The following CPAMD8 variants were observed in gnomAD, a reference collection of about 807,000 sequenced individuals.
The protein encoded by CPAMD8 is C3 and PZP-like alpha-2-macroglobulin domain-containing protein 8.
CPAMD8 carries 146 observed loss-of-function variants against 224.7 expected under a neutral mutation model. The observed-to-expected ratio is 0.65, with a 90% CI of 0.57 to 0.75. CPAMD8 has a LOEUF of 0.75. Among genes scored for constraint, CPAMD8 ranks in the 30% least tolerant of loss-of-function variants. CPAMD8 has a pLI of 0.00. For missense variants in CPAMD8, 2,301 were observed against 2,537.5 expected, an observed-to-expected ratio of 0.91 and a Z score of 2.00; for synonymous variants, 966 against 1,044.6, an observed-to-expected ratio of 0.92 and a Z score of 1.45.
Position 16,914,804 on chromosome 19 carries a change from G to A in CPAMD8, c.3639C>T (p.Ala1213=), listed in dbSNP as rs370174078. The A allele has an allele frequency of 1.2e-6, 2 of 1,609,596 alleles. No homozygotes were observed. Among genetic ancestry groups the A allele is most frequent in the Admixed American group, 1.7e-5 (1 of 59,618 alleles). The part of the protein sequence containing the change: ...RDASGSMWLT[A]FVLKSFAQAR... Reference sequence around the variant, plus strand: ...CCTGTGCGAAGGACTTCAGGACAAAGGCTGTGAGCCTGAAAGAGGACAGGG... The same window carrying A: ...CCTGTGCGAAGGACTTCAGGACAAAAGCTGTGAGCCTGAAAGAGGACAGGG... Residue 1213 remains alanine (A), a synonymous_variant, in exon 28 of 42, where the codon GCC becomes GCT. Coordinates refer to ENST00000443236, the MANE Select transcript of CPAMD8 (RefSeq NM_015692.5).
At position 16,896,615 on chromosome 19, in the gene CPAMD8, C is replaced by T; in HGVS notation, c.5116G>A (p.Ala1706Thr). 1 of 1,505,352 alleles carries T rather than the reference C, an allele frequency of 6.6e-7. No individual in the cohort carries two copies. Among genetic ancestry groups the T allele is most frequent in the Non-Finnish European group, 8.8e-7 (1 of 1,132,826 alleles). The allele number at this position is 1,505,352 out of a possible 1,614,324, so 93.2% of individuals were successfully genotyped here. A position where few individuals can be genotyped will look rare whatever the true frequency, so the allele number is the denominator to read the frequency against. Residue 1706 changes from alanine to threonine, a missense_variant, in exon 40 of 42, where the codon GCG becomes ACG. Transcript: ENST00000443236. ...GPAVAPEEGA[A>T]IARCGCDHDC... ...TGGTCGCAGCCGCATCGCGCGATCG[C>T]CGCCCCCTCCTCAGGGGCCACGGCA...
chr19:17,009,187 T>C, intron 6 of CPAMD8, 116 bp downstream of exon 6: 1 of 1,573,322 alleles, frequency 6.4e-7, no homozygotes, highest in Middle Eastern at 1.8e-4. Flanking sequence ...CCCAGCCTTG[T>C]AAGGCACAGC....
chr19:16,896,496 G>A lies in CPAMD8; in HGVS notation c.5235C>T (p.Ala1745=). Residue 1745 remains alanine, a synonymous_variant, in exon 40 of 42, where the codon GCC becomes GCT. Coordinates refer to ENST00000443236, the MANE Select transcript of CPAMD8 (RefSeq NM_015692.5). ...CRLREAACRQ[A]APLEPAPPSC... ...TGGGAGGCGCGGGCTCCAGGGGCGCGGCCTGGCGGCAGGCGGCCTCCCGCA... is the reference window on the plus strand; with the variant it reads ...TGGGAGGCGCGGGCTCCAGGGGCGCAGCCTGGCGGCAGGCGGCCTCCCGCA... 1 of 1,429,010 alleles carries A rather than the reference G, an allele frequency of 7.0e-7. No homozygotes were observed. Among genetic ancestry groups the A allele is most frequent in the Non-Finnish European group, 9.1e-7 (1 of 1,102,698 alleles). 88.5% of individuals were successfully genotyped at this position (1,429,010 alleles called of 1,614,324 possible). A position where few individuals can be genotyped will look rare whatever the true frequency, so the allele number is the denominator to read the frequency against.
At chr19:16,976,532 T>C (rs1198465280) in intron 15 of CPAMD8, among the ~76,000 whole-genome samples, 16 of 151,982 alleles carry the variant, frequency 1.1e-4, no homozygotes, top group Non-Finnish European at 1.2e-4. Flanking sequence ...TCCAGAGGCA[T>C]CTCTTCTGCC....
chr19:16,979,387 C>T (rs2055413102), intron 14 of CPAMD8, among the ~76,000 whole-genome samples: 1 of 63,492 alleles, frequency 1.6e-5, no homozygotes, highest in Admixed American at 1.4e-4. Flanking sequence ...TCTGTCCATT[C>T]ATCCATCCAT....
chr19:17,009,321 C>G lies in CPAMD8; in HGVS notation c.487-1G>C. On this transcript the variant is annotated splice_acceptor_variant, in intron 5 of 41. Transcript: ENST00000443236. LOFTEE classifies it high-confidence loss of function. ...CACTCACCAGGATGTAGGCTTCCAG[C>G]TGTAATGAAGACACAGATGCAGTGA... 6.2e-7 allele frequency: 1 copy of G among 1,614,092 alleles called. No homozygotes were observed. Among genetic ancestry groups the G allele is most frequent in the Non-Finnish European group, 8.5e-7 (1 of 1,179,976 alleles).
intron 18 of CPAMD8, among the ~76,000 whole-genome samples, chr19:16,963,600 T>C (rs2054724999): frequency 6.6e-6 from 1 of 152,198 alleles, no homozygotes; most frequent in Non-Finnish European, 1.5e-5. Flanking sequence ...AATGGGAGAC[T>C]TTAACACCCC....
intron 27 of CPAMD8, among the ~76,000 whole-genome samples, chr19:16,921,113 G>A (rs1386454357): frequency 1.3e-5 from 2 of 152,118 alleles, no homozygotes; most frequent in African/African-American, 4.8e-5. Flanking sequence ...GGGAGGCTGG[G>A]TGAGTCGCCA....
At chr19:16,948,859 AGGG>A (rs2054195717) in intron 20 of CPAMD8, among the ~76,000 whole-genome samples, 1 of 84,098 alleles carries the variant, frequency 1.2e-5, no homozygotes, top group African/African-American at 4.6e-5. Context: ...AAGGGAAGGG[AGGG>A]AAAGGAAAGG....
chr19:17,012,426 C>T (rs371701595), intron 3 of CPAMD8, among the ~76,000 whole-genome samples: 7 of 150,716 alleles, frequency 4.6e-5, no homozygotes, highest in Non-Finnish European at 5.9e-5. Context: ...TGGCTCACTG[C>T]GGCCTTGGCC....
At chr19:16,993,049 T>C (rs2056008674) in intron 12 of CPAMD8, among the ~76,000 whole-genome samples, 1 of 152,160 alleles carries the variant, frequency 6.6e-6, no homozygotes. Flanking sequence ...AATGGCTCAA[T>C]GTAGTTGAGC....
At position 16,970,930 on chromosome 19, in the gene CPAMD8, C is replaced by T. The variant is rs1483817777; in HGVS notation, c.2174G>A (p.Gly725Glu). The stretch of plus-strand genomic sequence containing the variant: ...GGAAGGAGCCACTGCCACCAGGCTC[C>T]CTGTGTGGGGCTGGAAAGCGGGGAC... ...EAVPAFQPHTGSLVAVAPSRH... is the reference protein window; with the variant it reads ...EAVPAFQPHTESLVAVAPSRH... Residue 725 changes from glycine (G) to glutamate (E), a missense_variant, in exon 18 of 42, where the codon GGG becomes GAG. Gly to Glu is a moderately conservative substitution (Grantham distance 98). Around this residue, in one of 4 missense-constraint regions of CPAMD8, gnomAD observed 1,709 missense variants for 1,753.2 expected, o/e 0.97. Coordinates refer to ENST00000443236, the MANE Select transcript of CPAMD8 (RefSeq NM_015692.5). 3 of 1,613,864 alleles carry T rather than the reference C, an allele frequency of 1.9e-6. No homozygotes were observed. The highest frequency in any genetic ancestry group is 3.3e-5 in the Admixed American group (2 of 59,976).
intron 20 of CPAMD8, among the ~76,000 whole-genome samples, chr19:16,949,868 C>T (rs552747686): frequency 4.6e-5 from 7 of 152,336 alleles, no homozygotes; most frequent in African/African-American, 1.4e-4. Flanking sequence ...CACCCGTAGA[C>T]ATTGATTCTA....
rs1824152 is a variant in CPAMD8, at chr19:16,977,489, T to C, written c.1637A>G (p.His546Arg). The change falls in exon 15 of 42, where the codon CAT becomes CGT. Residue 546 changes from histidine to arginine, a missense_variant. This residue lies in a region of CPAMD8 where 301 missense variants were observed against 406.6 expected (regional missense o/e 0.74). Transcript: ENST00000443236. ...AEVDVCVTSL[H>R]LAVTPSMVPL... ...GACCATGCTGGGGGTCACGGCCAGA[T>C]GAAGAGAGGTCACACACACGTCGAC... 597,319 of 1,606,164 alleles carry C rather than the reference T, an allele frequency of 0.37. 123,071 individuals carry two copies. The highest frequency in any genetic ancestry group is 0.85 in the African/African-American group (63,332 of 74,796).
At chr19:16,965,140 G>T (rs2054787030) in intron 18 of CPAMD8, among the ~76,000 whole-genome samples, 1 of 151,728 alleles carries the variant, frequency 6.6e-6, no homozygotes, top group Admixed American at 6.6e-5. Flanking sequence ...GGCGCCTGTA[G>T]TCCCAGCTAC....
chr19:17,022,006 T>C, intron 2 of CPAMD8, 24 bp downstream of exon 2: 1 of 1,563,850 alleles, frequency 6.4e-7, no homozygotes. Flanking sequence ...GGGGAAGTCC[T>C]GGTCTGGCAC....
At position 17,022,178 on chromosome 19, in the gene CPAMD8, AC is replaced by A; in HGVS notation, c.95del (p.Gly32ValfsTer3). On this transcript the variant is annotated frameshift_variant and splice_region_variant, in exon 2 of 42. Transcript: ENST00000443236. LOFTEE classifies it high-confidence loss of function. ...GVRAAQPQAP[G>X]YLIAAPSVFR... The stretch of plus-strand genomic sequence containing the variant: ...AAACAGAGGGAGCTGCAATCAAGTA[AC>A]CCCTGCAGGAAAGGAGATCCGAGGT... The A allele has an allele frequency of 6.2e-7, 1 of 1,609,510 alleles. No homozygotes were observed. Among genetic ancestry groups the A allele is most frequent in the Non-Finnish European group, 8.5e-7 (1 of 1,177,730 alleles).
intron 23 of CPAMD8, among the ~76,000 whole-genome samples, chr19:16,937,249 C>G (rs1161840552): frequency 6.6e-6 from 1 of 152,126 alleles, no homozygotes; most frequent in South Asian, 2.1e-4. Context: ...ATCCTCCCAC[C>G]TCCACCTCCC....
rs565582002 is a variant in CPAMD8 at position 16,969,972 on chromosome 19, T to C, written c.2213+919A>G. On this transcript the variant is annotated intron_variant, in intron 18 of 41. Coordinates refer to ENST00000443236, the MANE Select transcript of CPAMD8 (RefSeq NM_015692.5). ...TATTATTGCCAGGCGCAGTGGCTCA[T>C]GCCTGTAATCCCAGCACTTTGGGAA... 7.9e-4 allele frequency among the ~76,000 whole-genome samples: 119 copies of C among 150,838 alleles called. 1 individual carries two copies. In the South Asian group the frequency reaches 8.4e-3, roughly 11 times the overall value.
Sources: gnomAD v4.1 joint callset for allele counts (sites outside exome capture counted in the v4.1 genomes callset) on GRCh38, gnomAD v4.1.1 for gene constraint, gnomAD v4.1.1 regional missense constraint, MANE v1.5 for transcripts, NCBI Gene and HGNC (gene_info 2026-07-23, HGNC 2026-07-21) for gene names.